KCNC1: variants seen among roughly 807,000 people sequenced by gnomAD.
KCNC1 encodes the protein voltage-gated potassium channel KCNC1.
Under a neutral mutation model 43.4 loss-of-function variants are expected in KCNC1, and 8 were observed. That is an observed-to-expected ratio of 0.18 (90% CI 0.11 to 0.33). The LOEUF (loss-of-function observed/expected upper bound fraction) is 0.33. Ranked by LOEUF, KCNC1 falls within the 10% of genes least tolerant of loss-of-function variation. KCNC1 has a pLI of 1.00. For synonymous variants in KCNC1, 361 were observed against 360.5 expected, an observed-to-expected ratio of 1.00 and a Z score of -0.01; for missense variants, 420 against 836.0, an observed-to-expected ratio of 0.50 and a Z score of 6.14.
chr11:17,747,635 G>C (rs1485641902), intron 1 of KCNC1, among the ~76,000 whole-genome samples: 1 of 152,190 alleles, frequency 6.6e-6, no homozygotes, highest in Admixed American at 6.5e-5. Context: ...GCCAGCCTGG[G>C]TGGGGACGAG....
At chr11:17,753,169 G>T (rs1848987730) in intron 1 of KCNC1, among the ~76,000 whole-genome samples, 1 of 152,194 alleles carries the variant, frequency 6.6e-6, no homozygotes, top group Non-Finnish European at 1.5e-5. Context: ...AGGTGTCTGG[G>T]CCACCCCTCA....
intron 2 of KCNC1, among the ~76,000 whole-genome samples, chr11:17,778,698 C>G (rs1459048313): frequency 1.3e-5 from 2 of 152,136 alleles, no homozygotes; most frequent in East Asian, 3.9e-4. Context: ...GTGACCAGGA[C>G]TGGTCTGTAT....
At chr11:17,765,212 C>T (rs1281246890) in intron 1 of KCNC1, among the ~76,000 whole-genome samples, 1 of 152,234 alleles carries the variant, frequency 6.6e-6, no homozygotes, top group Admixed American at 6.5e-5. Flanking sequence ...GAATGTTGGT[C>T]CCTGCACCAC....
At chr11:17,760,596 C>T (rs1336918835) in intron 1 of KCNC1, among the ~76,000 whole-genome samples, 1 of 152,174 alleles carries the variant, frequency 6.6e-6, no homozygotes, top group Non-Finnish European at 1.5e-5. Flanking sequence ...TCCCTAAGGC[C>T]TCCCCTAGGG....
intron 1 of KCNC1, among the ~76,000 whole-genome samples, chr11:17,751,908 A>T (rs766477941): frequency 6.6e-6 from 1 of 152,090 alleles, no homozygotes; most frequent in Non-Finnish European, 1.5e-5. Flanking sequence ...AGCCTTGGTG[A>T]GTGAGAACCT....
rs1170962228 is a variant in KCNC1 at position 17,772,809 on chromosome 11, C to T, written c.1504+211C>T. On this transcript the variant is annotated intron_variant, in intron 2 of 3. Coordinates refer to ENST00000265969, the MANE Select transcript of KCNC1 (RefSeq NM_001112741.2). Reference sequence around the variant, plus strand: ...CTGCTAGAGGAACCTCACTGGTGCCCCTGGGTAAGGAGGTTGACGCGGTTG... The same window carrying T: ...CTGCTAGAGGAACCTCACTGGTGCCTCTGGGTAAGGAGGTTGACGCGGTTG... The T allele has an allele frequency of 4.9e-6, 7 of 1,440,038 alleles. No individual in the cohort carries two copies. In the Admixed American group the frequency reaches 1.1e-4, roughly 23 times the overall value. 89.2% of individuals were successfully genotyped at this position (1,440,038 alleles called of 1,614,324 possible). A position where few individuals can be genotyped will look rare whatever the true frequency, so the allele number is the denominator to read the frequency against.
Position 17,779,361 on chromosome 11 carries a change from T to C in KCNC1, c.1505-95T>C. 1 of 1,050,582 alleles carries C rather than the reference T, an allele frequency of 9.5e-7. No homozygotes were observed. Among genetic ancestry groups the C allele is most frequent in the Non-Finnish European group, 1.3e-6 (1 of 756,744 alleles). The allele number at this position is 1,050,582 out of a possible 1,614,324, so 65.1% of individuals were successfully genotyped here. A position where few individuals can be genotyped will look rare whatever the true frequency, so the allele number is the denominator to read the frequency against. On this transcript the variant is annotated intron_variant, in intron 2 of 3. Transcript: ENST00000265969. The surrounding 1 kb of genome is among the most constrained non-coding windows in gnomAD (Gnocchi z 7.2). ...TTTCCGTCCTCAGGGACGCTCAAGC[T>C]GCCCTCTGCCAATACCCCGCTTCTG...
chr11:17,746,533 A>C (rs1848902085), intron 1 of KCNC1, among the ~76,000 whole-genome samples: 1 of 148,670 alleles, frequency 6.7e-6, no homozygotes, highest in African/African-American at 2.5e-5. Flanking sequence ...TTCCATGTCC[A>C]CCTCCTTCCC....
At chr11:17,774,746 A>C in intron 2 of KCNC1, 1 of 985,218 alleles carries the variant, frequency 1.0e-6, no homozygotes, top group African/African-American at 1.7e-5. Flanking sequence ...GGGCCCTCAC[A>C]AGCTTGCCCT....
rs200078349 is a variant in KCNC1, at chr11:17,772,477, G to A, written c.1383G>A (p.Pro461=). 62 of 1,614,184 alleles carry A rather than the reference G, an allele frequency of 3.8e-5. No individual in the cohort carries two copies. Among genetic ancestry groups the A allele is most frequent in the Non-Finnish European group, 5.2e-5 (61 of 1,180,026 alleles). The part of the protein sequence containing the change: ...KLPKKKKKHI[P]RPPQLGSPNY... The stretch of plus-strand genomic sequence containing the variant: ...CAAAGAAAAAAAAGAAGCATATTCC[G>A]CGGCCACCGCAGCTGGGATCTCCCA... Residue 461 remains proline (P), a synonymous_variant, in exon 2 of 4, where the codon CCG becomes CCA. Transcript: ENST00000265969.
At chr11:17,747,030 C>T (rs558325943) in intron 1 of KCNC1, among the ~76,000 whole-genome samples, 8 of 152,306 alleles carry the variant, frequency 5.3e-5, no homozygotes, top group Middle Eastern at 3.4e-3. Context: ...CTCGGCCCTG[C>T]GAGATTCAAA....
At chr11:17,757,894 G>A (rs565298997) in intron 1 of KCNC1, among the ~76,000 whole-genome samples, 6 of 152,292 alleles carry the variant, frequency 3.9e-5, no homozygotes, top group Admixed American at 6.5e-5. Flanking sequence ...GATGGCTGCC[G>A]ATTGATCAGC....
intron 1 of KCNC1, among the ~76,000 whole-genome samples, chr11:17,759,420 A>G (rs1214244171): frequency 2.6e-5 from 4 of 152,266 alleles, no homozygotes; most frequent in East Asian, 3.9e-4. Flanking sequence ...AGCACTTTCA[A>G]TTTCCTTTTA....
At chr11:17,766,880 G>A (rs1277352427) in intron 1 of KCNC1, among the ~76,000 whole-genome samples, 1 of 151,558 alleles carries the variant, frequency 6.6e-6, no homozygotes, top group East Asian at 1.9e-4. Context: ...ATACACTTGG[G>A]AGGCCGAGTC....
chr11:17,775,281 T>TTCCCCCCCCCCCCC, intron 2 of KCNC1: 74 of 935,634 alleles, frequency 7.9e-5, no homozygotes, highest in South Asian at 9.9e-5. Context: ...TCTGAGGGCA[T>TTCCCCCCCCCCCCC]CCCTCCCGCC....
chr11:17,738,544 T>G (rs908515630), intron 1 of KCNC1, among the ~76,000 whole-genome samples: 10 of 152,006 alleles, frequency 6.6e-5, no homozygotes, highest in Non-Finnish European at 1.2e-4. Flanking sequence ...CACTCAGTGT[T>G]GGGGCTCTGA....
chr11:17,768,810 G>T (rs1849188682), intron 1 of KCNC1, among the ~76,000 whole-genome samples: 1 of 152,226 alleles, frequency 6.6e-6, no homozygotes, highest in African/African-American at 2.4e-5. Context: ...TGGGGGGCCT[G>T]CCCTGCCCTT....
At position 17,781,537 on chromosome 11, in the gene KCNC1, G is replaced by C. The variant is rs769768259; in HGVS notation, c.1694-133G>C. ...CTCAGTGCATGGGCAAACCAAGCCA[G>C]CTGGAGAAGAATCTGCCTGCCTCTG... On this transcript the variant is annotated intron_variant, in intron 3 of 3. Transcript: ENST00000265969. The surrounding 1 kb of genome is among the most constrained non-coding windows in gnomAD (Gnocchi z 5.1). 3 of 677,864 alleles carry C rather than the reference G, an allele frequency of 4.4e-6. No homozygotes were observed. In the East Asian group the frequency reaches 8.2e-5, roughly 19 times the overall value. The allele number at this position is 677,864 out of a possible 1,614,324, so 42.0% of individuals were successfully genotyped here.
chr11:17,744,326 C>G (rs1210824567), intron 1 of KCNC1, among the ~76,000 whole-genome samples: 1 of 152,200 alleles, frequency 6.6e-6, no homozygotes, highest in Non-Finnish European at 1.5e-5. Flanking sequence ...AGCTCCTCCC[C>G]AGGGCACGTG....
Sources: allele counts gnomAD v4.1 joint callset (sites outside exome capture counted in the v4.1 genomes callset), GRCh38; gene constraint gnomAD v4.1.1; non-coding constraint Gnocchi (gnomAD v3.1); transcripts MANE v1.5; gene names NCBI Gene and HGNC (gene_info 2026-07-23, HGNC 2026-07-21).